LRRC3C: variants seen among roughly 807,000 people sequenced by gnomAD.
LRRC3C encodes the protein leucine-rich repeat-containing protein 3C.
LRRC3C carries 11 observed loss-of-function variants against 14.8 expected under a neutral mutation model. That is an observed-to-expected ratio of 0.74 (90% CI 0.47 to 1.23). LRRC3C has a LOEUF of 1.23. Ranked by LOEUF, LRRC3C falls within the 50% of genes most tolerant of loss-of-function variation. The probability of loss-of-function intolerance (pLI) is 0.00; values close to 1 mark genes in which losing one functional copy is unlikely to be tolerated. For synonymous variants in LRRC3C, 149 were observed against 161.5 expected, an observed-to-expected ratio of 0.92 and a Z score of 0.59; for missense variants, 354 against 361.8, an observed-to-expected ratio of 0.98 and a Z score of 0.18.
At position 39,944,696 on chromosome 17, in the gene LRRC3C, C is replaced by A. The variant is rs558114586; in HGVS notation, c.790C>A (p.Arg264Ser). ...CAAGCGGGCCCCAGTGCTGCCCGTG[C>A]GTTCCGAGGACTCCTCCATCCTCAG... ...SLKRAPVLPV[R>S]SEDSSILSTV... Residue 264 changes from arginine to serine, a missense_variant, in exon 4 of 4, where the codon CGT (arginine) becomes AGT (serine). Coordinates refer to ENST00000377924, the MANE Select transcript of LRRC3C (RefSeq NM_001195545.2). 1.3e-6 allele frequency: 2 copies of A among 1,535,888 alleles called. No individual in the cohort carries two copies. Among genetic ancestry groups the A allele is most frequent in the African/African-American group, 2.7e-5 (2 of 72,992 alleles).
chr17:39,944,281 C>G lies in LRRC3C; in HGVS notation c.375C>G (p.Gly125=). ...LAHLSGAAFQ[G]LEGTLRHLDL... The stretch of plus-strand genomic sequence containing the variant: ...ACCTCTCAGGGGCGGCTTTCCAGGG[C>G]CTGGAGGGCACATTGCGCCACCTCG... The change falls in exon 4 of 4, where the codon GGC becomes GGG. Residue 125 remains glycine, a synonymous_variant. Coordinates refer to ENST00000377924, the MANE Select transcript of LRRC3C (RefSeq NM_001195545.2). 1 of 1,535,068 alleles carries G rather than the reference C, an allele frequency of 6.5e-7. No homozygotes were observed. The highest frequency in any genetic ancestry group is 2.0e-5 in the Admixed American group (1 of 50,766).
intron 2 of LRRC3C, among the ~76,000 whole-genome samples, chr17:39,940,410 C>T (rs533707282): frequency 1.5e-4 from 23 of 152,182 alleles, no homozygotes; most frequent in Middle Eastern, 3.4e-3. Context: ...TCTTAAAATT[C>T]TTTTTTATTT....
chr17:39,931,947 G>T (rs1238183353), intron 1 of LRRC3C, among the ~76,000 whole-genome samples: 1 of 152,036 alleles, frequency 6.6e-6, no homozygotes, highest in Non-Finnish European at 1.5e-5. Context: ...CACCACGCCT[G>T]GGCTATTTTC....
intron 3 of LRRC3C, among the ~76,000 whole-genome samples, chr17:39,942,966 T>C (rs572056905): frequency 2.0e-5 from 3 of 152,240 alleles, no homozygotes; most frequent in Admixed American, 2.0e-4. Flanking sequence ...AGTTTCAGCC[T>C]TGGGGAGTGA....
At chr17:39,941,689 G>C in intron 3 of LRRC3C, 140 bp downstream of exon 3, 1 of 709,042 alleles carries the variant, frequency 1.4e-6, no homozygotes, top group East Asian at 2.9e-5. Context: ...AGGATGTAGG[G>C]TATTGGTATG....
chr17:39,930,379 T>C (rs1369785869), intron 1 of LRRC3C, among the ~76,000 whole-genome samples: 1 of 123,272 alleles, frequency 8.1e-6, no homozygotes, highest in Non-Finnish European at 1.6e-5. Context: ...TGGATCCTGA[T>C]TCAAGCAAAC....
At chr17:39,933,533 G>A (rs538317344) in intron 1 of LRRC3C, among the ~76,000 whole-genome samples, 1 of 152,284 alleles carries the variant, frequency 6.6e-6, no homozygotes, top group African/African-American at 2.4e-5. Flanking sequence ...AGGAGATCGA[G>A]ACCATCCTGG....
In LRRC3C at chr17:39,941,349, TAAAAAAAA is replaced by T. The variant is rs11344927; in HGVS notation, c.-81-80_-81-73del. The T allele has an allele frequency of 4.5e-3, 1,217 of 269,920 alleles. 5 individuals carry two copies. The highest frequency in any genetic ancestry group is 5.8e-3 in the Admixed American group (92 of 15,732). The allele number at this position is 269,920 out of a possible 1,614,324, so 16.7% of individuals were successfully genotyped here. On this transcript the variant is annotated intron_variant, in intron 2 of 3. Transcript: ENST00000377924. ...CTGGGCCACAGAGTGAGACTTTATC[TAAAAAAAA>T]AAAAAAAAAAAAAGGAAGAAATTCT... is the stretch of plus-strand genomic sequence containing the variant.
At position 39,944,903 on chromosome 17, in the gene LRRC3C, C is replaced by G. The variant is rs974619386; in HGVS notation, c.*169C>G. On this transcript the variant is annotated 3_prime_UTR_variant, in exon 4 of 4. Coordinates refer to ENST00000377924, the MANE Select transcript of LRRC3C (RefSeq NM_001195545.2). ...CTGTGCTGGTTCTCTCTCTCTCTCTCTGTGTCGTCTTAACCAACACCATCT... is the reference window on the plus strand; with the variant it reads ...CTGTGCTGGTTCTCTCTCTCTCTCTGTGTGTCGTCTTAACCAACACCATCT... 6.6e-6 allele frequency among the ~76,000 whole-genome samples: 1 copy of G among 151,336 alleles called. No homozygotes were observed. Among genetic ancestry groups the G allele is most frequent in the Non-Finnish European group, 1.5e-5 (1 of 67,846 alleles).
intron 1 of LRRC3C, chr17:39,928,028 C>T (rs1034375195): frequency 5.1e-5 from 13 of 254,692 alleles, no homozygotes; most frequent in African/African-American, 3.0e-4. Context: ...TTGGCTCCTC[C>T]AGAAACAGAC....
In LRRC3C at chr17:39,944,024, G is replaced by T; in HGVS notation, c.118G>T (p.Gly40Cys). Reference protein sequence around the residue: ...LPLLLVIGTGGTVPSPQVPPR... With the variant: ...LPLLLVIGTGCTVPSPQVPPR... ...CCTCCTGCTGGTGATAGGCACAGGG[G>T]GTACTGTGCCCAGCCCCCAGGTGCC... The change falls in exon 4 of 4, where the codon GGT (glycine) becomes TGT (cysteine). Residue 40 changes from glycine (G) to cysteine (C), a missense_variant. Gly to Cys is a radical substitution (Grantham distance 159). Coordinates refer to ENST00000377924, the MANE Select transcript of LRRC3C (RefSeq NM_001195545.2). The T allele has an allele frequency of 6.5e-7, 1 of 1,536,028 alleles. No homozygotes were observed. The highest frequency in any genetic ancestry group is 8.7e-7 in the Non-Finnish European group (1 of 1,146,828).
intron 1 of LRRC3C, among the ~76,000 whole-genome samples, chr17:39,932,907 C>T (rs1978690260): frequency 6.6e-6 from 1 of 152,020 alleles, no homozygotes; most frequent in South Asian, 2.1e-4. Flanking sequence ...CAAAAATTAG[C>T]CAGGCATGGT....
intron 1 of LRRC3C, among the ~76,000 whole-genome samples, chr17:39,932,536 C>T (rs554102938): frequency 7.8e-6 from 1 of 127,632 alleles, no homozygotes; most frequent in South Asian, 2.9e-4. Flanking sequence ...GACCCCCCCC[C>T]CACCCAACCA....
chr17:39,936,460 T>C (rs8079416), intron 2 of LRRC3C, among the ~76,000 whole-genome samples: 69,072 of 151,620 alleles, frequency 0.46, 15,862 homozygotes, highest in East Asian at 0.56. Context: ...CACCAATACA[T>C]CCCCGACACA....
At chr17:39,931,425 G>A (rs1182618736) in intron 1 of LRRC3C, among the ~76,000 whole-genome samples, 1 of 119,066 alleles carries the variant, frequency 8.4e-6, no homozygotes, top group Non-Finnish European at 1.6e-5. Flanking sequence ...CACCCCGGGT[G>A]ACAGAGAGAG....
chr17:39,943,541 A>G (rs1217799150), intron 3 of LRRC3C, among the ~76,000 whole-genome samples: 1 of 152,074 alleles, frequency 6.6e-6, no homozygotes, highest in Non-Finnish European at 1.5e-5. Context: ...TCTGGTGCCT[A>G]CCTAGCCCAC....
chr17:39,941,240 A>G (rs1429364173), intron 2 of LRRC3C, among the ~76,000 whole-genome samples: 2 of 151,336 alleles, frequency 1.3e-5, no homozygotes, highest in Non-Finnish European at 2.9e-5. Context: ...AGTCTCAGCT[A>G]CTCGGGAGAC....
At chr17:39,928,069 C>G (rs1459173844) in intron 1 of LRRC3C, among the ~76,000 whole-genome samples, 1 of 152,254 alleles carries the variant, frequency 6.6e-6, no homozygotes, top group Non-Finnish European at 1.5e-5. Flanking sequence ...CTGGGCCCTC[C>G]TGGGAGAGCG....
At chr17:39,935,525 C>T (rs559538944) in intron 1 of LRRC3C, among the ~76,000 whole-genome samples, 7 of 152,184 alleles carry the variant, frequency 4.6e-5, no homozygotes, top group Non-Finnish European at 1.0e-4. Context: ...TGGTGGTGTG[C>T]GCCTGTAGTC....
Sources: gnomAD v4.1 joint callset for allele counts (sites outside exome capture counted in the v4.1 genomes callset) on GRCh38, gnomAD v4.1.1 for gene constraint, MANE v1.5 for transcripts, NCBI Gene and HGNC (gene_info 2026-07-23, HGNC 2026-07-21) for gene names.